ARHGAP15: variants seen among roughly 807,000 people sequenced by gnomAD.
ARHGAP15 encodes the protein rho GTPase-activating protein 15.
ARHGAP15 carries 51 observed loss-of-function variants against 63.7 expected under a neutral mutation model. The observed-to-expected ratio is 0.80, with a 90% CI of 0.64 to 1.01. The LOEUF (loss-of-function observed/expected upper bound fraction) is 1.01. Among genes scored for constraint, ARHGAP15 ranks in the 50% least tolerant of loss-of-function variants. The pLI, the probability that ARHGAP15 is intolerant of heterozygous loss-of-function variation, is 0.00. For synonymous variants in ARHGAP15, 191 were observed against 193.8 expected (o/e 0.99, Z 0.12); for missense variants, 560 against 564.6 (o/e 0.99, Z 0.08).
At chr2:143,738,987 A>G (rs1220417731) in intron 13 of ARHGAP15, among the ~76,000 whole-genome samples, 1 of 152,192 alleles carries the variant, frequency 6.6e-6, no homozygotes, top group Non-Finnish European at 1.5e-5. Context: ...AGATCACTGG[A>G]AAGAGAGGCT....
At chr2:143,764,513 G>A (rs572609538) in intron 13 of ARHGAP15, among the ~76,000 whole-genome samples, 1 of 152,240 alleles carries the variant, frequency 6.6e-6, no homozygotes. Context: ...TAAAAAGAAT[G>A]CTGCAGAAAT....
intron 6 of ARHGAP15, chr2:143,435,230 C>G (rs993670582): frequency 1.8e-4 from 174 of 990,886 alleles, no homozygotes; most frequent in Non-Finnish European, 2.0e-4. Context: ...AGGAAAGAGG[C>G]AAACGTGCAG....
At chr2:143,627,762 T>G (rs1329666524) in intron 12 of ARHGAP15, among the ~76,000 whole-genome samples, 1 of 152,126 alleles carries the variant, frequency 6.6e-6, no homozygotes, top group Non-Finnish European at 1.5e-5. Flanking sequence ...TTCCCTTTTA[T>G]TCTCTGTACC....
chr2:143,693,167 C>T (rs528542901), intron 12 of ARHGAP15, among the ~76,000 whole-genome samples: 1 of 152,160 alleles, frequency 6.6e-6, no homozygotes, highest in African/African-American at 2.4e-5. Context: ...TTCTCCAGCA[C>T]TCATTTGCAA....
At chr2:143,321,622 C>T (rs979387915) in intron 6 of ARHGAP15, among the ~76,000 whole-genome samples, 3 of 152,248 alleles carry the variant, frequency 2.0e-5, no homozygotes, top group African/African-American at 7.2e-5. Flanking sequence ...TGGAGAAGGG[C>T]CTGGGCCCCA....
At chr2:143,357,529 T>C (rs1685861056) in intron 6 of ARHGAP15, among the ~76,000 whole-genome samples, 1 of 152,236 alleles carries the variant, frequency 6.6e-6, no homozygotes, top group South Asian at 2.1e-4. Context: ...TCTTTAATGC[T>C]TGGTTCTTCT....
At chr2:143,337,706 T>C (rs1249713253) in intron 6 of ARHGAP15, among the ~76,000 whole-genome samples, 1 of 152,088 alleles carries the variant, frequency 6.6e-6, no homozygotes, top group African/African-American at 2.4e-5. Flanking sequence ...CCAGGTCAAC[T>C]AAATTCAGCA....
intron 6 of ARHGAP15, among the ~76,000 whole-genome samples, chr2:143,260,287 G>A (rs562808300): frequency 1.3e-5 from 2 of 152,208 alleles, no homozygotes; most frequent in African/African-American, 4.8e-5. Context: ...TTCTTAACAA[G>A]AACCAATTAG....
At chr2:143,318,671 C>T (rs1009872080) in intron 6 of ARHGAP15, among the ~76,000 whole-genome samples, 1 of 151,808 alleles carries the variant, frequency 6.6e-6, no homozygotes, top group African/African-American at 2.4e-5. Context: ...GTTTTCTTAA[C>T]CCAACATGAG....
intron 6 of ARHGAP15, among the ~76,000 whole-genome samples, chr2:143,275,943 A>T (rs943319983): frequency 6.6e-6 from 1 of 152,174 alleles, no homozygotes; most frequent in Non-Finnish European, 1.5e-5. Context: ...GTAAGTCTTA[A>T]GCTATTAGGT....
At chr2:143,303,617 A>G (rs1003663317) in intron 6 of ARHGAP15, among the ~76,000 whole-genome samples, 23 of 152,054 alleles carry the variant, frequency 1.5e-4, no homozygotes, top group African/African-American at 4.6e-4. Context: ...TTGACAAATG[A>G]GATCTAATTA....
Position 143,360,767 on chromosome 2 carries a change from A to T in ARHGAP15, c.475-74834A>T, listed in dbSNP as rs78284500. 3.2e-4 allele frequency among the ~76,000 whole-genome samples: 49 copies of T among 152,342 alleles called. 1 individual carries two copies. In the East Asian group the frequency reaches 9.4e-3, roughly 29 times the overall value. On this transcript the variant is annotated intron_variant, in intron 6 of 13. Transcript: ENST00000295095. ...AAGGTGGAAGAGTTAAGTACTAATA[A>T]ATAGCACAATACAGGTGATATCTCC... is the stretch of plus-strand genomic sequence containing the variant.
intron 6 of ARHGAP15, among the ~76,000 whole-genome samples, chr2:143,385,930 G>A (rs1426557251): frequency 1.3e-5 from 2 of 152,086 alleles, no homozygotes; most frequent in African/African-American, 4.8e-5. Flanking sequence ...TCTAGCAGTT[G>A]TGTTTGATAG....
intron 13 of ARHGAP15, among the ~76,000 whole-genome samples, chr2:143,714,460 C>T (rs1189566818): frequency 6.6e-6 from 1 of 152,234 alleles, no homozygotes; most frequent in African/African-American, 2.4e-5. Context: ...ACATTTTTCC[C>T]ATGGTCTTGG....
chr2:143,709,646 G>A (rs1684488555), intron 13 of ARHGAP15, among the ~76,000 whole-genome samples: 1 of 150,848 alleles, frequency 6.6e-6, no homozygotes, highest in African/African-American at 2.4e-5. Flanking sequence ...GTTGAGCTGG[G>A]GCTATTTTGT....
chr2:143,468,060 A>C (rs4430884), intron 8 of ARHGAP15, among the ~76,000 whole-genome samples: 29,214 of 152,058 alleles, frequency 0.19, 3,396 homozygotes, highest in East Asian at 0.48. Context: ...TGAAGTTTAC[A>C]ATCTGCCATA....
At position 143,202,220 on chromosome 2, in the gene ARHGAP15, T is replaced by C; in HGVS notation, c.234+18T>C. On this transcript the variant is annotated intron_variant, in intron 3 of 13. Transcript: ENST00000295095. ...AACAACTGGTGAGTGTTTAAGTCAT[T>C]ATATTCTTCATCTACTGATACAAAA... is the stretch of plus-strand genomic sequence containing the variant. 4.4e-6 allele frequency: 7 copies of C among 1,588,634 alleles called. No homozygotes were observed. Among genetic ancestry groups the C allele is most frequent in the Non-Finnish European group, 5.2e-6 (6 of 1,157,304 alleles).
At chr2:143,255,811 G>A (rs1680394534) in intron 6 of ARHGAP15, among the ~76,000 whole-genome samples, 2 of 152,070 alleles carry the variant, frequency 1.3e-5, no homozygotes, top group Admixed American at 6.6e-5. Flanking sequence ...CAGTAAAGCT[G>A]GTTTCACTTT....
chr2:143,163,899 C>T (rs551423395), intron 2 of ARHGAP15, among the ~76,000 whole-genome samples: 15 of 152,154 alleles, frequency 9.9e-5, no homozygotes, highest in African/African-American at 3.6e-4. Flanking sequence ...GAGAATCACA[C>T]AATTACTTTG....
Sources: allele counts gnomAD v4.1 joint callset (sites outside exome capture counted in the v4.1 genomes callset), GRCh38; gene constraint gnomAD v4.1.1; transcripts MANE v1.5; gene names NCBI Gene and HGNC (gene_info 2026-07-23, HGNC 2026-07-21).